The following VWA2 variants were observed in gnomAD, a reference collection of about 807,000 sequenced individuals.
The protein encoded by VWA2 is von Willebrand factor A domain containing 2.
VWA2 carries 73 observed loss-of-function variants against 70.4 expected under a neutral mutation model. The ratio of observed to expected loss-of-function variants is 1.04; its 90% CI spans 0.86 to 1.26. VWA2 has a LOEUF of 1.26. Ranked by LOEUF, VWA2 falls within the 50% of genes most tolerant of loss-of-function variation. The pLI, the probability that VWA2 is intolerant of heterozygous loss-of-function variation, is 0.00. For synonymous variants in VWA2, 407 were observed against 423.3 expected, an observed-to-expected ratio of 0.96 and a Z score of 0.47; for missense variants, 1,011 against 998.5, an observed-to-expected ratio of 1.01 and a Z score of -0.17.
At chr10:114,240,315 T>A (rs956028134) in intron 1 of VWA2, among the ~76,000 whole-genome samples, 42 of 152,214 alleles carry the variant, frequency 2.8e-4, no homozygotes, top group Non-Finnish European at 1.8e-4. Flanking sequence ...CTTGGCCACC[T>A]GCTGGGACGG....
intron 4 of VWA2, 102 bp downstream of exon 4, chr10:114,255,150 G>C: frequency 1.4e-6 from 2 of 1,469,164 alleles, no homozygotes; most frequent in Non-Finnish European, 1.9e-6. Context: ...TTGTGGAGCT[G>C]GGAAGACCAA....
intron 9 of VWA2, 111 bp downstream of exon 9, chr10:114,282,682 A>C (rs1228156561): frequency 7.8e-6 from 7 of 901,496 alleles, no homozygotes; most frequent in Non-Finnish European, 9.2e-6. Context: ...GACTGGCTCC[A>C]GGGCAGAGGG....
intron 8 of VWA2, among the ~76,000 whole-genome samples, chr10:114,282,284 G>A (rs184180439): frequency 1.2e-3 from 177 of 152,132 alleles, no homozygotes; most frequent in East Asian, 1.4e-3. Flanking sequence ...GATTGCAGGC[G>A]TGAGCCACCA....
Position 114,242,436 on chromosome 10 carries a change from A to G in VWA2, c.-11+2867A>G, listed in dbSNP as rs114690087. 1.8e-3 allele frequency among the ~76,000 whole-genome samples: 273 copies of G among 152,230 alleles called. 2 individuals are homozygous for G. Among genetic ancestry groups the G allele is most frequent in the African/African-American group, 5.4e-3 (225 of 41,516 alleles). On this transcript the variant is annotated intron_variant, in intron 1 of 13. Transcript: ENST00000392982. ...GCCTCATAGTACCAGGTGCATCTGC[A>G]TGCCGATGCCTCTGTGTACCACGTG...
chr10:114,289,360 G>A lies in VWA2; in HGVS notation c.1993G>A (p.Val665Met), dbSNP rs564725132. ...LRNNGISVLV[V>M]GVGPVLSEGL... is the part of the protein sequence containing the mutation. ...GAACAATGGCATCTCTGTCTTGGTCGTGGGCGTGGGGCCTGTCCTAAGTGA... is the reference window on the plus strand; with the variant it reads ...GAACAATGGCATCTCTGTCTTGGTCATGGGCGTGGGGCCTGTCCTAAGTGA... Residue 665 changes from valine (V) to methionine (M), a missense_variant, in exon 12 of 14, where the codon GTG becomes ATG. By Grantham distance (21) the Val-to-Met change is conservative. Transcript: ENST00000392982. The A allele has an allele frequency of 2.3e-5, 37 of 1,614,204 alleles. No individual in the cohort carries two copies. Among genetic ancestry groups the A allele is most frequent in the Admixed American group, 1.7e-4 (10 of 60,034 alleles).
chr10:114,285,883 AGCTCGCATGCCGCATGACCATG>A, intron 10 of VWA2, 34 bp from the exon 11 acceptor site: 1 of 1,495,870 alleles, frequency 6.7e-7, no homozygotes, highest in Non-Finnish European at 9.0e-7. Flanking sequence ...CGGGTGGGAC[AGCTCGCATGCCGCATGACCATG>A]GCTTGACAGT....
At chr10:114,268,953 C>T (rs769738662) in intron 5 of VWA2, among the ~76,000 whole-genome samples, 3 of 151,922 alleles carry the variant, frequency 2.0e-5, no homozygotes, top group Non-Finnish European at 4.4e-5. Flanking sequence ...CCTCGGCCTT[C>T]CAAAGTGCTG....
At chr10:114,286,768 C>A (rs960737508) in intron 11 of VWA2, among the ~76,000 whole-genome samples, 5 of 152,196 alleles carry the variant, frequency 3.3e-5, no homozygotes, top group African/African-American at 1.2e-4. Flanking sequence ...ACAGAGTAAG[C>A]ACTCAGCAAA....
At chr10:114,277,763 C>A in intron 6 of VWA2, 151 bp from the exon 7 acceptor site, 1 of 981,370 alleles carries the variant, frequency 1.0e-6, no homozygotes, top group Non-Finnish European at 1.4e-6. Flanking sequence ...CATTTCCATT[C>A]CGGTTAACTG....
chr10:114,250,209 A>G (rs932033968), intron 2 of VWA2, among the ~76,000 whole-genome samples: 2 of 152,252 alleles, frequency 1.3e-5, no homozygotes, highest in African/African-American at 4.8e-5. Context: ...AAGGTCCTCA[A>G]GGAAAGAGAC....
chr10:114,278,271 A>G (rs2133378223), intron 7 of VWA2, among the ~76,000 whole-genome samples: 1 of 152,286 alleles, frequency 6.6e-6, no homozygotes, highest in East Asian at 1.9e-4. Flanking sequence ...AGAGGGGCCC[A>G]GGGTTTGAGA....
chr10:114,286,101 A>T lies in VWA2; in HGVS notation c.1160A>T (p.Tyr387Phe), dbSNP rs758563501. 3.1e-6 allele frequency: 5 copies of T among 1,614,150 alleles called. No individual in the cohort carries two copies. The African/African-American group carries it at 5.3e-5, about 17-fold the overall frequency. Residue 387 changes from tyrosine (Y) to phenylalanine (F), a missense_variant, in exon 11 of 14, where the codon TAC becomes TTC. Coordinates refer to ENST00000392982, the MANE Select transcript of VWA2 (RefSeq NM_001272046.2). Reference sequence around the variant, plus strand: ...CGGGCCCGAGTGGGTGTGGCCACATACAGCAGGGAGCTGCTGGTGGCGGTG... The same window carrying T: ...CGGGCCCGAGTGGGTGTGGCCACATTCAGCAGGGAGCTGCTGGTGGCGGTG... ...DSRARVGVAT[Y>F]SRELLVAVPV... is the part of the protein sequence containing the mutation.
chr10:114,245,209 G>T (rs11594961), intron 1 of VWA2, among the ~76,000 whole-genome samples: 26,258 of 152,038 alleles, frequency 0.17, 2,491 homozygotes, highest in African/African-American at 0.24. Context: ...CAGAAACTTG[G>T]GCGCCTCTGG....
chr10:114,272,861 G>T lies in VWA2; in HGVS notation c.493G>T (p.Asp165Tyr). Residue 165 changes from aspartate to tyrosine, a missense_variant, in exon 6 of 14, where the codon GAT becomes TAT. Physicochemically the swap from Asp to Tyr is radical, Grantham distance 160. Transcript: ENST00000392982. ...CGTCACTGATGGGAAGTCCCAGGGG[G>T]ATGTGGCACTGCCATCCAAGCAGCT... The part of the protein sequence containing the change: ...IIVTDGKSQG[D>Y]VALPSKQLKE... 1 of 1,614,036 alleles carries T rather than the reference G, an allele frequency of 6.2e-7. No individual in the cohort carries two copies. The highest frequency in any genetic ancestry group is 1.1e-5 in the South Asian group (1 of 91,028).
intron 5 of VWA2, among the ~76,000 whole-genome samples, chr10:114,265,983 C>T (rs973476847): frequency 6.6e-6 from 1 of 152,122 alleles, no homozygotes. Context: ...TCTTTTTCTA[C>T]AGTGAAGTTT....
intron 11 of VWA2, among the ~76,000 whole-genome samples, chr10:114,287,601 C>A (rs575627875): frequency 3.9e-5 from 6 of 152,268 alleles, no homozygotes; most frequent in African/African-American, 1.4e-4. Context: ...TCCTGTAAGG[C>A]GGAAGGACAG....
rs2038673761 is a variant in VWA2, at chr10:114,284,938, G to T, written c.965G>T (p.Cys322Phe). The change falls in exon 10 of 14, where the codon TGC (cysteine) becomes TTC (phenylalanine). Residue 322 changes from cysteine to phenylalanine, a missense_variant. By Grantham distance (205) the Cys-to-Phe change is radical. Transcript: ENST00000392982. ...GGACTGGACGGCTACCAGTGCCTCT[G>T]CCCGCTGGCCTTTGGAGGGGAGGCT... Reference protein sequence around the residue: ...PEGLDGYQCLCPLAFGGEANC... With the variant: ...PEGLDGYQCLFPLAFGGEANC... 6.2e-7 allele frequency: 1 copy of T among 1,604,230 alleles called. No homozygotes were observed. The highest frequency in any genetic ancestry group is 2.3e-5 in the East Asian group (1 of 44,308).
Position 114,277,941 on chromosome 10 carries a change from C to T in VWA2, c.594C>T (p.Ser198=), listed in dbSNP as rs34253448. 763 of 1,610,326 alleles carry T rather than the reference C, an allele frequency of 4.7e-4. 2 individuals carry two copies. The African/African-American group carries it at 6.9e-3, about 14-fold the overall frequency. The change falls in exon 7 of 14, where the codon AGC becomes AGT. Residue 198 remains serine (S), a synonymous_variant. Coordinates refer to ENST00000392982, the MANE Select transcript of VWA2 (RefSeq NM_001272046.2). Reference sequence around the variant, plus strand: ...GGGAGGAGCTGCATGCACTGGCCAGCGAGCCTAGAGGGCAGCACGTGCTGT... The same window carrying T: ...GGGAGGAGCTGCATGCACTGGCCAGTGAGCCTAGAGGGCAGCACGTGCTGT... ...PRWEELHALA[S]EPRGQHVLLA...
intron 1 of VWA2, among the ~76,000 whole-genome samples, chr10:114,245,561 G>A (rs1001436583): frequency 2.0e-5 from 3 of 152,172 alleles, no homozygotes; most frequent in Non-Finnish European, 4.4e-5. Context: ...CTGACTCACA[G>A]GCGGCAGGTG....
Sources: allele counts gnomAD v4.1 joint callset (sites outside exome capture counted in the v4.1 genomes callset), GRCh38; gene constraint gnomAD v4.1.1; transcripts MANE v1.5; gene names NCBI Gene and HGNC (gene_info 2026-07-23, HGNC 2026-07-21).